Variants in SCHIP1 observed in about 807,000 individuals in gnomAD.
SCHIP1 encodes schwannomin interacting protein 1, also known as schwannomin-interacting protein 1.
Under a neutral mutation model 29.7 loss-of-function variants are expected in SCHIP1, and 8 were observed. The observed-to-expected ratio is 0.27, with a 90% confidence interval of 0.16 to 0.49. SCHIP1 has a LOEUF of 0.49. SCHIP1 is among the 20% of genes least tolerant of loss of function. The pLI is 0.99. For missense variants in SCHIP1, 193 were observed against 294.6 expected (o/e 0.66, Z 2.52); for synonymous variants, 76 against 94.9 (o/e 0.80, Z 1.16).
chr3:159,425,672 C>T, the SCHIP1 span, among the ~76,000 whole-genome samples: 2 of 152,186 alleles, frequency 1.3e-5, no homozygotes, highest in Admixed American at 1.3e-4. Context: ...GAATTGAACT[C>T]AGCTCTGCAC....
At chr3:159,682,503 T>C in the SCHIP1 span, among the ~76,000 whole-genome samples, 1 of 152,186 alleles carries the variant, frequency 6.6e-6, no homozygotes, top group Non-Finnish European at 1.5e-5. Flanking sequence ...AGAGCTTAAA[T>C]GAGTAGATGG....
At chr3:159,321,609 C>CA in the SCHIP1 span, among the ~76,000 whole-genome samples, 2 of 151,954 alleles carry the variant, frequency 1.3e-5, no homozygotes, top group African/African-American at 4.8e-5. Flanking sequence ...TACATGTGCA[C>CA]AATGTGCAGG....
At chr3:159,390,537 T>C in the SCHIP1 span, among the ~76,000 whole-genome samples, 52 of 151,996 alleles carry the variant, frequency 3.4e-4, no homozygotes, top group Non-Finnish European at 6.3e-4. Context: ...ACGAAAAAAA[T>C]TGAGGCATTC....
At chr3:159,293,469 T>A in the SCHIP1 span, among the ~76,000 whole-genome samples, 1 of 152,178 alleles carries the variant, frequency 6.6e-6, no homozygotes, top group Admixed American at 6.5e-5. Context: ...AGGTGGTATA[T>A]GGGTGAGAAG....
Position 159,882,425 on chromosome 3 carries a change from TAAAATCAAGTAGAAAAGCAAGTAG to T in SCHIP1, c.150-3772_150-3749del, listed in dbSNP as rs200044700. 1.7e-3 allele frequency among the ~76,000 whole-genome samples: 257 copies of T among 152,278 alleles called. 3 individuals carry two copies. In the East Asian group the frequency reaches 0.035, roughly 21 times the overall value. On this transcript the variant is annotated intron_variant, in intron 2 of 6. Transcript: ENST00000445224. ...GCAGGTGCTGGGAGATTCCCATTCC[TAAAATCAAGTAGAAAAGCAAGTAG>T]AAAATCAAGAAAAAAGCAAGTAGTT...
At chr3:159,884,505 C>T (rs906945870) in intron 2 of SCHIP1, among the ~76,000 whole-genome samples, 2 of 151,998 alleles carry the variant, frequency 1.3e-5, no homozygotes, top group Non-Finnish European at 2.9e-5. Context: ...GATTCTACAT[C>T]AGGGATTATT....
the SCHIP1 span, among the ~76,000 whole-genome samples, chr3:159,566,011 A>C: frequency 6.6e-6 from 1 of 152,242 alleles, no homozygotes; most frequent in Non-Finnish European, 1.5e-5. Context: ...CTTATTTATG[A>C]AATAAATGGA....
At chr3:159,329,904 T>C in the SCHIP1 span, among the ~76,000 whole-genome samples, 1 of 152,062 alleles carries the variant, frequency 6.6e-6, no homozygotes, top group East Asian at 1.9e-4. Context: ...TGGCTTAAGT[T>C]CTATTAAGTT....
the SCHIP1 span, among the ~76,000 whole-genome samples, chr3:159,615,529 G>A: frequency 6.6e-6 from 1 of 152,172 alleles, no homozygotes; most frequent in South Asian, 2.1e-4. Context: ...ATGGGATTTA[G>A]AAAAAGGCAC....
the SCHIP1 span, among the ~76,000 whole-genome samples, chr3:159,832,532 ACTT>A: frequency 6.6e-6 from 1 of 152,110 alleles, no homozygotes; most frequent in East Asian, 1.9e-4. Flanking sequence ...CAGACCCTCA[ACTT>A]CTTAGCCACA....
the SCHIP1 span, among the ~76,000 whole-genome samples, chr3:159,682,473 G>T: frequency 6.6e-6 from 1 of 152,176 alleles, no homozygotes. Context: ...AGTGATATCA[G>T]TGAACTATAA....
the SCHIP1 span, among the ~76,000 whole-genome samples, chr3:159,603,982 A>G: frequency 1.3e-5 from 2 of 152,120 alleles, no homozygotes; most frequent in Non-Finnish European, 2.9e-5. Context: ...CCATTAAGCC[A>G]TGAATCGATG....
At chr3:159,620,566 C>T in the SCHIP1 span, among the ~76,000 whole-genome samples, 3 of 152,220 alleles carry the variant, frequency 2.0e-5, no homozygotes, top group Non-Finnish European at 4.4e-5. Flanking sequence ...TCTTTTCATG[C>T]CCAGACTCTT....
At chr3:159,283,819 A>G in the SCHIP1 span, among the ~76,000 whole-genome samples, 1 of 152,184 alleles carries the variant, frequency 6.6e-6, no homozygotes, top group East Asian at 1.9e-4. Flanking sequence ...GTCTTATTGT[A>G]TTGATTAGAA....
chr3:159,650,151 T>C, the SCHIP1 span, among the ~76,000 whole-genome samples: 1 of 152,164 alleles, frequency 6.6e-6, no homozygotes. Context: ...CCAGGACAGA[T>C]GGTATTCTGT....
chr3:159,495,822 C>G, the SCHIP1 span, among the ~76,000 whole-genome samples: 1 of 149,804 alleles, frequency 6.7e-6, no homozygotes, highest in African/African-American at 2.4e-5. Flanking sequence ...CCAAAAGAAC[C>G]TGGAGGCATC....
the SCHIP1 span, among the ~76,000 whole-genome samples, chr3:159,550,769 T>C: frequency 6.6e-6 from 1 of 152,218 alleles, no homozygotes; most frequent in East Asian, 1.9e-4. Flanking sequence ...ATAATCACAG[T>C]TGTAGAGGCA....
the SCHIP1 span, among the ~76,000 whole-genome samples, chr3:159,761,095 A>G: frequency 6.6e-6 from 1 of 152,214 alleles, no homozygotes; most frequent in Admixed American, 6.5e-5. Flanking sequence ...AGGAGGAGAA[A>G]CAGTTCCTTT....
chr3:159,842,880 C>T (rs1355923040), intron 1 of SCHIP1, among the ~76,000 whole-genome samples: 1 of 151,898 alleles, frequency 6.6e-6, no homozygotes, highest in Non-Finnish European at 1.5e-5. Context: ...GTCGCCTCTA[C>T]CCCCATCCAT....
Sources: allele counts gnomAD v4.1 joint callset (sites outside exome capture counted in the v4.1 genomes callset), GRCh38; gene constraint gnomAD v4.1.1; transcripts MANE v1.5; gene names NCBI Gene and HGNC (gene_info 2026-07-23, HGNC 2026-07-21).